NPAT: variants seen among roughly 807,000 people sequenced by gnomAD.
The protein encoded by NPAT is nuclear protein, coactivator of histone transcription, also known as protein NPAT.
A neutral mutation model predicts 130.7 loss-of-function variants in NPAT; 52 were observed. That is an observed-to-expected ratio of 0.40 (90% confidence interval 0.32 to 0.50). The LOEUF (loss-of-function observed/expected upper bound fraction) is 0.50. Among genes scored for constraint, NPAT ranks in the 20% least tolerant of loss-of-function variants. The pLI, the probability that NPAT is intolerant of heterozygous loss-of-function variation, is 0.68. For missense variants in NPAT, 1,687 were observed against 1,662.6 expected (o/e 1.01, Z -0.26); for synonymous variants, 580 against 584.8 (o/e 0.99, Z 0.12).
intron 7 of NPAT, 62 bp downstream of exon 7, chr11:108,188,031 CTGATG>C: frequency 9.3e-7 from 1 of 1,075,642 alleles, no homozygotes; most frequent in Non-Finnish European, 1.4e-6. Context: ...TGTAAGTATC[CTGATG>C]TAATTCTTTT....
intron 15 of NPAT, among the ~76,000 whole-genome samples, chr11:108,164,980 G>A (rs567914759): frequency 1.3e-5 from 2 of 152,258 alleles, no homozygotes; most frequent in East Asian, 1.9e-4. Flanking sequence ...CTGCATTCCA[G>A]CCTGGGCGAC....
In NPAT at chr11:108,162,145, G is replaced by C. The variant is rs569919259; in HGVS notation, c.3046C>G (p.His1016Asp). The change falls in exon 16 of 18, where the codon CAT (histidine) becomes GAT (aspartate). Residue 1016 changes from histidine (H) to aspartate (D), a missense_variant. Coordinates refer to ENST00000278612, the MANE Select transcript of NPAT (RefSeq NM_002519.3). ...QVNNLVDSSG[H>D]SVGCHAQKTE... is the part of the protein sequence containing the mutation. ...TTTTGTGCATGACATCCAACTGAAT[G>C]ACCTGACGAATCCACCAAATTATTT... The C allele has an allele frequency of 4.4e-5, 71 of 1,613,950 alleles. 1 individual carries two copies. The South Asian group carries it at 7.6e-4, about 17-fold the overall frequency.
intron 1 of NPAT, 110 bp downstream of exon 1, chr11:108,222,390 G>T: frequency 8.7e-7 from 1 of 1,150,154 alleles, no homozygotes; most frequent in Non-Finnish European, 1.3e-6. Context: ...CTCGTAAGCT[G>T]GGAGGCAAAA....
chr11:108,211,143 G>A (rs1196039398), intron 1 of NPAT, among the ~76,000 whole-genome samples: 11 of 151,972 alleles, frequency 7.2e-5, no homozygotes, highest in East Asian at 1.9e-4. Context: ...TTGAACCAGG[G>A]AGTCAGAGGT....
chr11:108,187,858 T>C (rs971200201), intron 7 of NPAT, among the ~76,000 whole-genome samples: 1 of 152,196 alleles, frequency 6.6e-6, no homozygotes, highest in South Asian at 2.1e-4. Flanking sequence ...TTATTTTATA[T>C]ACCATTACAG....
At chr11:108,171,586 G>A (rs936655874) in intron 13 of NPAT, 2 of 150,912 alleles carry the variant, frequency 1.3e-5, no homozygotes, top group African/African-American at 2.4e-5. Context: ...CTGGGTTCAC[G>A]AGATTCTCCT....
At chr11:108,200,741 G>T (rs1263539745) in intron 1 of NPAT, among the ~76,000 whole-genome samples, 1 of 152,146 alleles carries the variant, frequency 6.6e-6, no homozygotes, top group African/African-American at 2.4e-5. Context: ...ACCCAACAAA[G>T]GAAGGAGACT....
rs747804131 is a variant in NPAT, at chr11:108,173,676, C to G, written c.1308G>C (p.Gln436His). ...CAAAGGTAATGTCAATGTCACACTT[C>G]TGTTCAGTGGGTACAGCTGTTTTAA... ...KAFKTAVPTE[Q>H]KCDIDITFES... The change falls in exon 13 of 18, where the codon CAG becomes CAC. Residue 436 changes from glutamine (Q) to histidine (H), a missense_variant. By Grantham distance (24) the Gln-to-His change is conservative (BLOSUM62 0). Transcript: ENST00000278612. The G allele has an allele frequency of 3.7e-6, 6 of 1,614,066 alleles. No homozygotes were observed. In the South Asian group the frequency reaches 4.4e-5, roughly 12 times the overall value.
chr11:108,208,355 C>T, intron 1 of NPAT: 1 of 390,426 alleles, frequency 2.6e-6, no homozygotes, highest in Admixed American at 3.0e-5. Flanking sequence ...TTTGGGGAGG[C>T]TGAGGTGGTA....
At position 108,222,635 on chromosome 11, in the gene NPAT, C is replaced by G. The variant is rs986951413; in HGVS notation, c.-99G>C. The G allele has an allele frequency of 4.5e-6, 6 of 1,338,410 alleles. No homozygotes were observed. Among genetic ancestry groups the G allele is most frequent in the Non-Finnish European group, 5.3e-6 (5 of 945,800 alleles). The allele number at this position is 1,338,410 out of a possible 1,614,324, so 82.9% of individuals were successfully genotyped here. A position where few individuals can be genotyped will look rare whatever the true frequency, so the allele number is the denominator to read the frequency against. The stretch of plus-strand genomic sequence containing the variant: ...CCGCATCTCCTGGTTCCAGTGGCGG[C>G]ACTGAACTCGCGGCAATTTGTCCCG... On this transcript the variant is annotated 5_prime_UTR_variant, in exon 1 of 18. Transcript: ENST00000278612.
intron 13 of NPAT, chr11:108,170,303 G>A: frequency 4.7e-6 from 2 of 423,522 alleles, no homozygotes; most frequent in Non-Finnish European, 8.8e-6. Context: ...TATTCAGTCA[G>A]TGAACCATGC....
At chr11:108,183,610 T>C (rs2078077407) in intron 10 of NPAT, among the ~76,000 whole-genome samples, 1 of 152,176 alleles carries the variant, frequency 6.6e-6, no homozygotes, top group South Asian at 2.1e-4. Context: ...AAGACCATCC[T>C]GGCCAACATG....
At chr11:108,203,719 C>T (rs1024832510) in intron 1 of NPAT, among the ~76,000 whole-genome samples, 2 of 152,158 alleles carry the variant, frequency 1.3e-5, no homozygotes, top group Admixed American at 6.5e-5. Context: ...TTATATACTC[C>T]CCTAAACAGT....
chr11:108,167,154 GT>G (rs2077909117), intron 15 of NPAT, among the ~76,000 whole-genome samples: 1 of 152,072 alleles, frequency 6.6e-6, no homozygotes. Context: ...TGGCTTTATT[GT>G]GTAAAAATCA....
chr11:108,199,289 C>T (rs1022649338), intron 1 of NPAT, among the ~76,000 whole-genome samples: 2 of 152,228 alleles, frequency 1.3e-5, no homozygotes, highest in African/African-American at 4.8e-5. Flanking sequence ...ACAATCATGG[C>T]ACAACTGGAC....
chr11:108,196,758 C>T (rs756428826), intron 2 of NPAT, among the ~76,000 whole-genome samples: 104 of 152,126 alleles, frequency 6.8e-4, no homozygotes, highest in Non-Finnish European at 9.9e-4. Flanking sequence ...ATTCTGTATT[C>T]TATGACCCTG....
Position 108,161,049 on chromosome 11 carries a change from G to T in NPAT, c.4037C>A (p.Thr1346Asn). ...MILSRAAISR[T>N]TSATPLKDNT... ...ATCTTTCAGAGGAGTTGCTGAAGTAGTCCTAGAAATGGCTGCCCTGGAGAG... is the reference window on the plus strand; with the variant it reads ...ATCTTTCAGAGGAGTTGCTGAAGTATTCCTAGAAATGGCTGCCCTGGAGAG... Residue 1346 changes from threonine to asparagine, a missense_variant, in exon 17 of 18, where the codon ACT (threonine) becomes AAT (asparagine). By Grantham distance (65) the Thr-to-Asn change is moderately conservative. Around this residue, in one of 3 missense-constraint regions of NPAT, gnomAD observed 1,379 missense variants for 1,346.6 expected, o/e 1.02. Transcript: ENST00000278612. 1 of 1,614,160 alleles carries T rather than the reference G, an allele frequency of 6.2e-7. No homozygotes were observed. Among genetic ancestry groups the T allele is most frequent in the Non-Finnish European group, 8.5e-7 (1 of 1,180,024 alleles).
At chr11:108,207,694 A>G (rs1402750101) in intron 1 of NPAT, among the ~76,000 whole-genome samples, 2 of 152,186 alleles carry the variant, frequency 1.3e-5, no homozygotes, top group Non-Finnish European at 2.9e-5. Context: ...CAGCGGGAGT[A>G]GGCGCTTCCA....
intron 4 of NPAT, 142 bp from the exon 5 acceptor site, chr11:108,190,642 A>T (rs1555044258): frequency 9.6e-6 from 7 of 728,042 alleles, no homozygotes; most frequent in Non-Finnish European, 1.7e-5. Context: ...AAACACACAC[A>T]TTTTTTGGGC....
Sources: gnomAD v4.1 joint callset for allele counts (sites outside exome capture counted in the v4.1 genomes callset) on GRCh38, gnomAD v4.1.1 for gene constraint, gnomAD v4.1.1 regional missense constraint, MANE v1.5 for transcripts, NCBI Gene and HGNC (gene_info 2026-07-23, HGNC 2026-07-21) for gene names.